Variants in LIMS1 observed in about 807,000 individuals in gnomAD.
The protein encoded by LIMS1 is LIM and senescent cell antigen-like-containing domain protein 1.
LIMS1 carries 18 observed loss-of-function variants against 44.1 expected under a neutral mutation model. The ratio of observed to expected loss-of-function variants is 0.41; its 90% CI spans 0.28 to 0.61. LIMS1 has a LOEUF of 0.61. Among genes scored for constraint, LIMS1 ranks in the 20% least tolerant of loss-of-function variants. LIMS1 has a pLI of 0.32. For synonymous variants in LIMS1, 93 were observed against 149.1 expected (o/e 0.62, Z 2.74); for missense variants, 201 against 422.0 (o/e 0.48, Z 4.59).
At chr2:108,559,306 T>A (rs989820483) in intron 1 of LIMS1, among the ~76,000 whole-genome samples, 2 of 152,228 alleles carry the variant, frequency 1.3e-5, no homozygotes, top group Non-Finnish European at 2.9e-5. Flanking sequence ...CTCAGCGACA[T>A]TAAAACACTT....
chr2:108,638,984 A>C (rs1436326535), intron 1 of LIMS1, among the ~76,000 whole-genome samples: 1 of 152,104 alleles, frequency 6.6e-6, no homozygotes, highest in African/African-American at 2.4e-5. Context: ...CGGAGCCTGC[A>C]GTGAGCATGG....
intron 1 of LIMS1, among the ~76,000 whole-genome samples, chr2:108,630,449 A>C (rs1435302018): frequency 6.7e-6 from 1 of 148,516 alleles, no homozygotes; most frequent in Non-Finnish European, 1.5e-5. Context: ...ATTGATCACG[A>C]CTTGATGACT....
At chr2:108,550,359 C>A (rs537715783) in intron 1 of LIMS1, among the ~76,000 whole-genome samples, 84 of 150,058 alleles carry the variant, frequency 5.6e-4, no homozygotes, top group African/African-American at 2.0e-3. Flanking sequence ...ATTAGCCGGG[C>A]GCGGTGGCAG....
chr2:108,658,148 CA>C (rs2148963669), intron 1 of LIMS1, among the ~76,000 whole-genome samples: 1 of 109,138 alleles, frequency 9.2e-6, no homozygotes, highest in Admixed American at 1.0e-4. Flanking sequence ...GGGAACTAGA[CA>C]CACAGGTGTA....
At chr2:108,610,929 C>T (rs1315323858) in intron 1 of LIMS1, among the ~76,000 whole-genome samples, 1 of 152,100 alleles carries the variant, frequency 6.6e-6, no homozygotes, top group Non-Finnish European at 1.5e-5. Flanking sequence ...CTCACATAGT[C>T]CTCACCTAGC....
At chr2:108,626,255 T>A (rs1688569715) in intron 1 of LIMS1, among the ~76,000 whole-genome samples, 1 of 152,262 alleles carries the variant, frequency 6.6e-6, no homozygotes, top group African/African-American at 2.4e-5. Context: ...ACAATAGGGA[T>A]AAAATTGCAG....
intron 1 of LIMS1, among the ~76,000 whole-genome samples, chr2:108,558,060 T>G (rs900287970): frequency 6.6e-6 from 1 of 152,204 alleles, no homozygotes; most frequent in African/African-American, 2.4e-5. Context: ...ACCTAAAAAT[T>G]TTAAGTATAG....
intron 1 of LIMS1, among the ~76,000 whole-genome samples, chr2:108,561,746 G>GTTT (rs200154866): frequency 0.021 from 2,765 of 134,068 alleles, 50 homozygotes; most frequent in African/African-American, 0.03. Flanking sequence ...GTTTTTTTTT[G>GTTT]TTTTTTTTTT....
At chr2:108,684,027 A>G (rs778519132) in exon 10 of LIMS1, 3 of 1,150,872 alleles carry the variant, frequency 2.6e-6, no homozygotes, top group Non-Finnish European at 3.9e-6. Flanking sequence ...TTTCTATGCA[A>G]GATAAGAGAT....
In LIMS1 at chr2:108,615,126, CAA is replaced by C. The variant is rs1687861457; in HGVS notation, c.33-44478_33-44477del. ...GGTGGTCAGGCAGAACGGATAGAAA[CAA>C]TATCTAAAAAGTGATTTCAATACAT... On this transcript the variant is annotated intron_variant, in intron 1 of 9. Transcript: ENST00000544547. 2.0e-5 allele frequency among the ~76,000 whole-genome samples: 3 copies of C among 152,146 alleles called. No homozygotes were observed. In the South Asian group the frequency reaches 6.2e-4, roughly 32 times the overall value.
chr2:108,585,520 C>T (rs955506264), intron 1 of LIMS1, among the ~76,000 whole-genome samples: 2 of 151,972 alleles, frequency 1.3e-5, no homozygotes, highest in African/African-American at 2.4e-5. Flanking sequence ...TGTATGATTG[C>T]GAAGTTTAAG....
At chr2:108,654,071 C>T (rs115754728) in intron 1 of LIMS1, among the ~76,000 whole-genome samples, 3,003 of 151,648 alleles carry the variant, frequency 0.02, 59 homozygotes, top group African/African-American at 0.046. Flanking sequence ...AGTTTTCTCG[C>T]GGGCAAATGG....
chr2:108,627,090 A>G (rs1688619479), intron 1 of LIMS1, among the ~76,000 whole-genome samples: 1 of 152,210 alleles, frequency 6.6e-6, no homozygotes, highest in Non-Finnish European at 1.5e-5. Context: ...TACAGTATTC[A>G]ATACAGTCCT....
rs564102866 is a variant in LIMS1 at position 108,644,571 on chromosome 2, A to G, written c.33-15034A>G. On this transcript the variant is annotated intron_variant, in intron 1 of 9. Transcript: ENST00000544547. ...AGCACAAAAAGGCTGAAAATTCCAA[A>G]AACCAGAACACCTCTTCTCCTCCAA... Among the ~76,000 whole-genome samples the G allele has an allele frequency of 6.6e-5, 10 of 152,226 alleles. No homozygotes were observed. In the South Asian group the frequency reaches 1.9e-3, roughly 28 times the overall value.
At chr2:108,667,786 C>G (rs1273380636) in intron 2 of LIMS1, among the ~76,000 whole-genome samples, 1 of 151,834 alleles carries the variant, frequency 6.6e-6, no homozygotes, top group Admixed American at 6.6e-5. Context: ...GCTCAAGTCC[C>G]TGATATAAAA....
At chr2:108,650,585 G>T (rs1412745788) in intron 1 of LIMS1, among the ~76,000 whole-genome samples, 1 of 151,862 alleles carries the variant, frequency 6.6e-6, no homozygotes, top group Non-Finnish European at 1.5e-5. Context: ...GCCAGCTAAT[G>T]TTTTGTGTTT....
At chr2:108,681,409 T>C (rs1692984296) in intron 9 of LIMS1, 1 of 977,210 alleles carries the variant, frequency 1.0e-6, no homozygotes, top group South Asian at 4.7e-5. Flanking sequence ...TTAAACACCA[T>C]ATAGTATACA....
intron 1 of LIMS1, among the ~76,000 whole-genome samples, chr2:108,551,953 G>GTGTA (rs56703030): frequency 0.015 from 1,273 of 85,274 alleles, 14 homozygotes; most frequent in African/African-American, 0.037. Context: ...GTGTGTGTGT[G>GTGTA]TATATATATA....
chr2:108,647,784 C>A (rs1036056945), intron 1 of LIMS1, among the ~76,000 whole-genome samples: 6 of 152,166 alleles, frequency 3.9e-5, no homozygotes, highest in African/African-American at 1.4e-4. Flanking sequence ...TAAAAACTCT[C>A]AATAAACTAG....
Sources: allele counts gnomAD v4.1 joint callset (sites outside exome capture counted in the v4.1 genomes callset), GRCh38; gene constraint gnomAD v4.1.1; transcripts MANE v1.5; gene names NCBI Gene and HGNC (gene_info 2026-07-23, HGNC 2026-07-21).